EIF4G2: variants seen among roughly 807,000 people sequenced by gnomAD.
The protein encoded by EIF4G2 is eukaryotic translation initiation factor 4 gamma 2.
EIF4G2 carries 8 observed loss-of-function variants against 117.7 expected under a neutral mutation model. The ratio of observed to expected loss-of-function variants is 0.07; its 90% CI spans 0.04 to 0.12. The LOEUF is 0.12. Ranked by LOEUF, EIF4G2 falls within the 10% of genes least tolerant of loss-of-function variation. The pLI, the probability that EIF4G2 is intolerant of heterozygous loss-of-function variation, is 1.00. For missense variants in EIF4G2, 812 were observed against 1,086.2 expected (o/e 0.75, Z 3.55); for synonymous variants, 413 against 367.8 (o/e 1.12, Z -1.41).
At chr11:10,801,202 T>C in intron 14 of EIF4G2, 115 bp from the exon 15 acceptor site, 1 of 1,449,024 alleles carries the variant, frequency 6.9e-7, no homozygotes, top group Non-Finnish European at 9.2e-7. Context: ...TTAAGCTTTT[T>C]GAAAAACTAA....
intron 14 of EIF4G2, 48 bp downstream of exon 14, chr11:10,801,613 T>C (rs1847420479): frequency 1.9e-6 from 3 of 1,546,266 alleles, no homozygotes; most frequent in Middle Eastern, 3.4e-4. Flanking sequence ...GGGCAATAAA[T>C]TTCTGAATGG....
In EIF4G2 at chr11:10,799,387, T is replaced by G. The variant is rs775147143; in HGVS notation, c.2362A>C (p.Ser788Arg). Residue 788 changes from serine (S) to arginine (R), a missense_variant, in exon 20 of 22, where the codon AGC (serine) becomes CGC (arginine). By Grantham distance (110) the Ser-to-Arg change is moderately radical. Coordinates refer to ENST00000339995, the MANE Select transcript of EIF4G2 (RefSeq NM_001418.4). Reference sequence around the variant, plus strand: ...GCAGAGGATGAATCTGTTTCATCGCTGGGGGGGTTTACTTCACTAGAAATG... The same window carrying G: ...GCAGAGGATGAATCTGTTTCATCGCGGGGGGGGTTTACTTCACTAGAAATG... 20 of 1,612,178 alleles carry G rather than the reference T, an allele frequency of 1.2e-5. No homozygotes were observed. Among genetic ancestry groups the G allele is most frequent in the Non-Finnish European group, 1.6e-5 (19 of 1,180,012 alleles).
intron 1 of EIF4G2, chr11:10,808,303 G>A (rs762607337): frequency 2.5e-6 from 3 of 1,214,670 alleles, no homozygotes; most frequent in South Asian, 2.8e-5. Context: ...CAGGCTCCGG[G>A]ACGCCTGCGG....
chr11:10,801,543 G>A (rs1847418060), intron 14 of EIF4G2, 118 bp downstream of exon 14: 2 of 960,904 alleles, frequency 2.1e-6, no homozygotes, highest in South Asian at 1.3e-5. Context: ...AGAAAAGAGA[G>A]AAAAACGTCA....
chr11:10,803,635 G>A lies in EIF4G2; in HGVS notation c.703-45C>T. ...TGGTGACAAAGTTTTAGTTACTCTG[G>A]TTTAGGCGTAGTACTTTCTTTCCCT... On this transcript the variant is annotated intron_variant, in intron 8 of 21. Coordinates refer to ENST00000339995, the MANE Select transcript of EIF4G2 (RefSeq NM_001418.4). This position sits in a 1 kb window ranked among gnomAD's most constrained non-coding sequence, Gnocchi z 4.0. The A allele has an allele frequency of 3.3e-6, 5 of 1,511,162 alleles. No homozygotes were observed. The highest frequency in any genetic ancestry group is 4.6e-6 in the Non-Finnish European group (5 of 1,091,420). The allele number at this position is 1,511,162 out of a possible 1,614,324, so 93.6% of individuals were successfully genotyped here. A position where few individuals can be genotyped will look rare whatever the true frequency, so the allele number is the denominator to read the frequency against.
Position 10,801,674 on chromosome 11 carries a change from A to G in EIF4G2, c.1400T>C (p.Leu467Pro). ...AGGCAAATGTACCTCATCTGCATTA[A>G]GCTGTCCTTTCTTAGAAAACCGAGG... Residue 467 changes from leucine to proline, a missense_variant, in exon 14 of 22, where the codon CTT becomes CCT. Leu to Pro is a moderately conservative substitution (Grantham distance 98). Coordinates refer to ENST00000339995, the MANE Select transcript of EIF4G2 (RefSeq NM_001418.4). 2.5e-6 allele frequency: 4 copies of G among 1,614,096 alleles called. No homozygotes were observed. The highest frequency in any genetic ancestry group is 3.4e-6 in the Non-Finnish European group (4 of 1,179,954).
At chr11:10,805,787 GATTC>G in intron 4 of EIF4G2, 116 bp downstream of exon 4, 1 of 1,420,254 alleles carries the variant, frequency 7.0e-7, no homozygotes, top group Non-Finnish European at 9.8e-7. Flanking sequence ...CTACCATGAG[GATTC>G]ATTAAAACAT....
intron 1 of EIF4G2, chr11:10,808,352 G>A (rs1189863574): frequency 5.0e-6 from 6 of 1,204,628 alleles, no homozygotes; most frequent in Admixed American, 3.2e-5. Context: ...CTTCCCTGCC[G>A]GCCCGCGTGC....
chr11:10,802,084 A>G lies in EIF4G2; in HGVS notation c.1264T>C (p.Phe422Leu), dbSNP rs1256868596. 1 of 1,011,342 alleles carries G rather than the reference A, an allele frequency of 9.9e-7. No homozygotes were observed. The highest frequency in any genetic ancestry group is 2.2e-5 in the South Asian group (1 of 46,382). The allele number at this position is 1,011,342 out of a possible 1,614,324, so 62.6% of individuals were successfully genotyped here. Residue 422 changes from phenylalanine (F) to leucine (L), a missense_variant, in exon 13 of 22, where the codon TTT (phenylalanine) becomes CTT (leucine). By Grantham distance (22) the Phe-to-Leu change is conservative (BLOSUM62 0). Transcript: ENST00000339995. ...ATAAACTTGCCTCCCATCTCTCCAA[A>G]CTGCGATTGTGTGGGAGGCATGATG...
At chr11:10,806,630 T>C (rs893976035) in intron 3 of EIF4G2, 190 bp downstream of exon 3, 1 of 565,210 alleles carries the variant, frequency 1.8e-6, no homozygotes, top group African/African-American at 1.9e-5. Context: ...AGCTTGAGAG[T>C]CTCAACTCAC....
chr11:10,808,205 G>A (rs1383234428), intron 1 of EIF4G2: 12 of 1,125,644 alleles, frequency 1.1e-5, no homozygotes, highest in Non-Finnish European at 1.1e-6. Context: ...GCTGACAAAA[G>A]GGGCAGAAAT....
rs1002008192 is a variant in EIF4G2, at chr11:10,799,417, G to C, written c.2332C>G (p.Gln778Glu). 5 of 1,611,416 alleles carry C rather than the reference G, an allele frequency of 3.1e-6. No individual in the cohort carries two copies. The highest frequency in any genetic ancestry group is 4.2e-6 in the Non-Finnish European group (5 of 1,179,942). Residue 778 changes from glutamine (Q) to glutamate (E), a missense_variant, in exon 20 of 22, where the codon CAG becomes GAG. This residue lies in a region of EIF4G2 where 571 missense variants were observed against 642.3 expected (regional missense o/e 0.89). Transcript: ENST00000339995. ...GGGTTTACTTCACTAGAAATGTACT[G>C]TAAGAAGCTGGACAGAAAGAGGTCT... is the stretch of plus-strand genomic sequence containing the variant.
chr11:10,797,884 A>G lies in EIF4G2; in HGVS notation c.2659-3T>C, dbSNP rs759197380. The G allele has an allele frequency of 1.3e-5, 21 of 1,612,902 alleles. No individual in the cohort carries two copies. The highest frequency in any genetic ancestry group is 1.5e-5 in the Non-Finnish European group (18 of 1,179,514). ...AACCAGGTTAGCCACTGATTCACCT[A>G]TAAATTAAGATTTGTAAATTAAAAT... is the stretch of plus-strand genomic sequence containing the variant. On this transcript the variant is annotated splice_polypyrimidine_tract_variant and splice_region_variant and intron_variant, in intron 21 of 21. Coordinates refer to ENST00000339995, the MANE Select transcript of EIF4G2 (RefSeq NM_001418.4). This position sits in a 1 kb window ranked among gnomAD's most constrained non-coding sequence, Gnocchi z 4.5.
In EIF4G2 at chr11:10,807,353, G is replaced by A. The variant is rs1847607788; in HGVS notation, c.-58C>T. On this transcript the variant is annotated 5_prime_UTR_variant, in exon 2 of 22. Transcript: ENST00000339995. Reference sequence around the variant, plus strand: ...GAATAATATTAATAGATGGGGTGGGGAGGGGAGGGGACAGGAGAAATGAAA... The same window carrying A: ...GAATAATATTAATAGATGGGGTGGGAAGGGGAGGGGACAGGAGAAATGAAA... 3.7e-6 allele frequency: 6 copies of A among 1,600,954 alleles called. No individual in the cohort carries two copies. The highest frequency in any genetic ancestry group is 1.7e-5 in the Admixed American group (1 of 59,392).
At position 10,801,867 on chromosome 11, in the gene EIF4G2, T is replaced by A; in HGVS notation, c.1300-93A>T. 3.2e-6 allele frequency: 4 copies of A among 1,247,156 alleles called. No individual in the cohort carries two copies. In the South Asian group the frequency reaches 5.7e-5, roughly 18 times the overall value. 77.3% of individuals were successfully genotyped at this position (1,247,156 alleles called of 1,614,324 possible). On this transcript the variant is annotated intron_variant, in intron 13 of 21. Coordinates refer to ENST00000339995, the MANE Select transcript of EIF4G2 (RefSeq NM_001418.4). ...AAAGGGATGAGCCAAGCCATAAAGT[T>A]AGTTTAACTGAATTTGCCCAGAGAA...
chr11:10,800,457 A>C lies in EIF4G2; in HGVS notation c.1835T>G (p.Ile612Arg). The C allele has an allele frequency of 1.2e-6, 2 of 1,614,166 alleles. No individual in the cohort carries two copies. The highest frequency in any genetic ancestry group is 1.7e-6 in the Non-Finnish European group (2 of 1,180,024). ...CTGCATGAAGTTGTCACTTGTGGCT[A>C]TCCCTTCCTGTTTGAGTAAACTGAT... The change falls in exon 17 of 22, where the codon ATA becomes AGA. Residue 612 changes from isoleucine to arginine, a missense_variant. By Grantham distance (97) the Ile-to-Arg change is moderately conservative (BLOSUM62 -3). Transcript: ENST00000339995.
At chr11:10,808,422 C>A in intron 1 of EIF4G2, 1 of 1,261,334 alleles carries the variant, frequency 7.9e-7, no homozygotes, top group Non-Finnish European at 1.0e-6. Flanking sequence ...CACAGCCGTG[C>A]CTCGGTCCGC....
intron 4 of EIF4G2, 71 bp from the exon 5 acceptor site, chr11:10,805,086 ATTAT>A (rs1318723895): frequency 1.3e-5 from 16 of 1,215,442 alleles, no homozygotes; most frequent in South Asian, 5.0e-5. Flanking sequence ...CTGCTTTTAA[ATTAT>A]ACTGATTTTT....
At chr11:10,798,819 T>C (rs1213554547) in intron 21 of EIF4G2, 173 bp downstream of exon 21, 2 of 787,660 alleles carry the variant, frequency 2.5e-6, no homozygotes, top group Non-Finnish European at 4.0e-6. Context: ...ATTGATTCAT[T>C]GTGTAGCTTT....
Sources: gnomAD v4.1 joint callset for allele counts on GRCh38, gnomAD v4.1.1 for gene constraint, gnomAD v4.1.1 regional missense constraint, Gnocchi (gnomAD v3.1) non-coding constraint, MANE v1.5 for transcripts, NCBI Gene and HGNC (gene_info 2026-07-23, HGNC 2026-07-21) for gene names.